The following AEBP2 variants were observed in gnomAD, a reference collection of about 807,000 sequenced individuals.
AEBP2 encodes the protein zinc finger protein AEBP2.
A neutral mutation model predicts 50.8 loss-of-function variants in AEBP2; 10 were observed. That is an observed-to-expected ratio of 0.20 (90% CI 0.12 to 0.33). The LOEUF is 0.33. Among genes scored for constraint, AEBP2 ranks in the 10% least tolerant of loss-of-function variants. The pLI, the probability that AEBP2 is intolerant of heterozygous loss-of-function variation, is 1.00. For missense variants in AEBP2, 570 were observed against 688.0 expected (o/e 0.83, Z 1.92); for synonymous variants, 296 against 261.3 (o/e 1.13, Z -1.28).
chr12:19,423,499 A>G (rs1474584781), intron 1 of AEBP2, among the ~76,000 whole-genome samples: 1 of 152,160 alleles, frequency 6.6e-6, no homozygotes, highest in African/African-American at 2.4e-5. Flanking sequence ...TTGCTAATAC[A>G]GGTTAATACA....
intron 1 of AEBP2, among the ~76,000 whole-genome samples, chr12:19,433,622 A>T (rs1358000574): frequency 6.6e-6 from 1 of 151,852 alleles, no homozygotes; most frequent in African/African-American, 2.4e-5. Context: ...TCTATTAAAA[A>T]TGCATAAATT....
At chr12:19,415,599 A>G (rs924641742) in intron 1 of AEBP2, among the ~76,000 whole-genome samples, 1 of 151,330 alleles carries the variant, frequency 6.6e-6, no homozygotes, top group Non-Finnish European at 1.5e-5. Context: ...TACTCAATAT[A>G]TCTGATTACC....
chr12:19,501,056 G>A (rs1431937731), intron 5 of AEBP2, among the ~76,000 whole-genome samples: 1 of 152,174 alleles, frequency 6.6e-6, no homozygotes, highest in Non-Finnish European at 1.5e-5. Context: ...CAGGCCGGGC[G>A]TGGTGGCTCA....
chr12:19,478,102 T>C (rs2153373335), intron 3 of AEBP2, among the ~76,000 whole-genome samples: 1 of 152,346 alleles, frequency 6.6e-6, no homozygotes, highest in South Asian at 2.1e-4. Flanking sequence ...TCACTAATGG[T>C]CTGTCACTTT....
intron 3 of AEBP2, among the ~76,000 whole-genome samples, chr12:19,486,896 G>A (rs779256754): frequency 6.6e-6 from 1 of 151,664 alleles, no homozygotes; most frequent in African/African-American, 2.4e-5. Flanking sequence ...GGCCTCCAAC[G>A]ATCTACCCGC....
chr12:19,520,433 A>G lies in AEBP2; in HGVS notation c.*2316A>G, dbSNP rs371951623. 4.6e-5 allele frequency: 7 copies of G among 152,208 alleles called. No individual in the cohort carries two copies. Among genetic ancestry groups the G allele is most frequent in the East Asian group, 1.9e-4 (1 of 5,200 alleles). 9.4% of individuals were successfully genotyped at this position (152,208 alleles called of 1,614,324 possible). ...GCTGCTTATCTGATGTTGGTTTGAT[A>G]CTGTTAACACACCAAAAAGAATATG... is the stretch of plus-strand genomic sequence containing the variant. On this transcript the variant is annotated 3_prime_UTR_variant, in exon 8 of 8. Transcript: ENST00000266508.
chr12:19,501,866 G>A (rs113411031), intron 5 of AEBP2, among the ~76,000 whole-genome samples: 2 of 124,822 alleles, frequency 1.6e-5, no homozygotes, highest in Non-Finnish European at 3.2e-5. Context: ...GTATTCACAG[G>A]TTCTGCGACC....
chr12:19,470,882 A>G (rs1310014617), intron 2 of AEBP2, among the ~76,000 whole-genome samples: 1 of 152,232 alleles, frequency 6.6e-6, no homozygotes, highest in East Asian at 1.9e-4. Context: ...TTCTGTCAAA[A>G]AAGTTGTTAC....
In AEBP2 at chr12:19,518,485, G is replaced by T; in HGVS notation, c.*368G>T. 3 of 1,236,638 alleles carry T rather than the reference G, an allele frequency of 2.4e-6. No individual in the cohort carries two copies. Among genetic ancestry groups the T allele is most frequent in the South Asian group, 3.3e-5 (1 of 30,150 alleles). The allele number at this position is 1,236,638 out of a possible 1,614,324, so 76.6% of individuals were successfully genotyped here. ...TTTAGTGATTTCAGTAGTTTATATT[G>T]GAAAGAAAAACAATTACAACATGTG... On this transcript the variant is annotated 3_prime_UTR_variant, in exon 8 of 8. Coordinates refer to ENST00000266508, the MANE Select transcript of AEBP2 (RefSeq NM_153207.5).
chr12:19,452,816 A>G (rs997766714), intron 1 of AEBP2, among the ~76,000 whole-genome samples: 9 of 152,190 alleles, frequency 5.9e-5, no homozygotes. Context: ...TATAAGTGGC[A>G]GTTTTATAGA....
chr12:19,518,017 A>C, intron 7 of AEBP2, 70 bp from the exon 8 acceptor site: 1 of 1,368,726 alleles, frequency 7.3e-7, no homozygotes. Context: ...TAATATTTTT[A>C]ATGTCTCTTG....
Position 19,439,670 on chromosome 12 carries a change from G to A in AEBP2, c.-30G>A. On this transcript the variant is annotated 5_prime_UTR_variant, in exon 1 of 8. Coordinates refer to ENST00000266508, the MANE Select transcript of AEBP2 (RefSeq NM_153207.5). ...CGAGAGAGGGAGGCGGCGGTGGGGA[G>A]GAGGAGGAGGAGGAGGAGCAGGCGC... 8.4e-7 allele frequency: 1 copy of A among 1,191,166 alleles called. No homozygotes were observed. Among genetic ancestry groups the A allele is most frequent in the East Asian group, 3.3e-5 (1 of 29,880 alleles). The allele number at this position is 1,191,166 out of a possible 1,614,324, so 73.8% of individuals were successfully genotyped here.
At chr12:19,449,355 G>C (rs1384504960) in intron 1 of AEBP2, among the ~76,000 whole-genome samples, 1 of 152,094 alleles carries the variant, frequency 6.6e-6, no homozygotes, top group African/African-American at 2.4e-5. Flanking sequence ...TAATTGTGTT[G>C]AAGTGGAATG....
chr12:19,483,557 A>G (rs1948761765), intron 3 of AEBP2, among the ~76,000 whole-genome samples: 1 of 152,136 alleles, frequency 6.6e-6, no homozygotes, highest in South Asian at 2.1e-4. Flanking sequence ...GAGTCTCCAC[A>G]TGGTGTTCTC....
chr12:19,488,288 G>A (rs1379860516), intron 3 of AEBP2, among the ~76,000 whole-genome samples: 1 of 136,966 alleles, frequency 7.3e-6, no homozygotes, highest in Non-Finnish European at 1.6e-5. Context: ...GCTAATTTTT[G>A]TATTTTTTTT....
At chr12:19,486,014 A>T (rs1388113582) in intron 3 of AEBP2, among the ~76,000 whole-genome samples, 1 of 145,782 alleles carries the variant, frequency 6.9e-6, no homozygotes, top group African/African-American at 2.6e-5. Context: ...TGTCTAATGC[A>T]CACTTGTTTA....
In AEBP2 at chr12:19,440,033, A is replaced by C; in HGVS notation, c.334A>C (p.Ser112Arg). ...DDEEEEDESS[S>R]SGGGEEESSA... ...CGAGGAGGAGGAAGATGAGAGCAGC[A>C]GCAGCGGCGGGGGTGAGGAGGAGAG... is the stretch of plus-strand genomic sequence containing the variant. The change falls in exon 1 of 8, where the codon AGC (serine) becomes CGC (arginine). Residue 112 changes from serine to arginine, a missense_variant. Coordinates refer to ENST00000266508, the MANE Select transcript of AEBP2 (RefSeq NM_153207.5). 6.6e-7 allele frequency: 1 copy of C among 1,524,100 alleles called. No individual in the cohort carries two copies. Among genetic ancestry groups the C allele is most frequent in the Non-Finnish European group, 8.8e-7 (1 of 1,141,750 alleles). 94.4% of individuals were successfully genotyped at this position (1,524,100 alleles called of 1,614,324 possible). A position where few individuals can be genotyped will look rare whatever the true frequency, so the allele number is the denominator to read the frequency against.
intron 2 of AEBP2, among the ~76,000 whole-genome samples, chr12:19,468,357 A>G (rs1470127015): frequency 1.3e-5 from 2 of 152,142 alleles, no homozygotes; most frequent in Non-Finnish European, 2.9e-5. Flanking sequence ...TGAAAACAAG[A>G]TCATTTACTC....
At chr12:19,480,500 C>T (rs898125590) in intron 3 of AEBP2, among the ~76,000 whole-genome samples, 1 of 152,304 alleles carries the variant, frequency 6.6e-6, no homozygotes, top group Admixed American at 6.5e-5. Flanking sequence ...GTGACAAATT[C>T]TCTTAGCCTT....
Sources: allele counts gnomAD v4.1 joint callset (sites outside exome capture counted in the v4.1 genomes callset), GRCh38; gene constraint gnomAD v4.1.1; transcripts MANE v1.5; gene names NCBI Gene and HGNC (gene_info 2026-07-23, HGNC 2026-07-21).